SHROOM4: variants seen among roughly 807,000 people sequenced by gnomAD.
SHROOM4 encodes the protein shroom family member 4.
SHROOM4 carries 17 observed loss-of-function variants against 80.3 expected under a neutral mutation model. The ratio of observed to expected loss-of-function variants is 0.21; its 90% CI spans 0.14 to 0.32. SHROOM4 has a LOEUF of 0.32. Among genes scored for constraint, SHROOM4 ranks in the 10% least tolerant of loss-of-function variants. The pLI, the probability that SHROOM4 is intolerant of heterozygous loss-of-function variation, is 1.00. For missense variants in SHROOM4, 993 were observed against 1,140.3 expected (o/e 0.87, Z 1.86); for synonymous variants, 400 against 437.5 (o/e 0.91, Z 1.07).
chrX:50,745,419 C>G, intron 1 of SHROOM4, among the ~76,000 whole-genome samples: 1 of 109,906 alleles, frequency 9.1e-6, no homozygotes, highest in Middle Eastern at 4.7e-3. Flanking sequence ...TATGAGCCCC[C>G]TGAAGTCCTT....
At position 50,638,154 on chromosome X, in the gene SHROOM4, G is replaced by A; in HGVS notation, c.404+20C>T. 2.5e-6 allele frequency: 3 copies of A among 1,200,575 alleles called. No homozygotes were observed. The highest frequency in any genetic ancestry group is 1.7e-5 in the African/African-American group (1 of 57,602). ...GTGTCTACCCTCCAGCCTGTCTTGA[G>A]GGGAGGGCTCTAGACTCACCTTGTG... On this transcript the variant is annotated intron_variant, in intron 3 of 8. Coordinates refer to ENST00000376020, the MANE Select transcript of SHROOM4 (RefSeq NM_020717.5).
chrX:50,792,738 G>C (rs1266749377), intron 1 of SHROOM4, among the ~76,000 whole-genome samples: 1 of 108,021 alleles, frequency 9.3e-6, no homozygotes, highest in Non-Finnish European at 1.9e-5. Flanking sequence ...AATCATTAAG[G>C]AAATGCAAGT....
intron 1 of SHROOM4, among the ~76,000 whole-genome samples, chrX:50,724,682 C>T (rs985081825): frequency 1.7e-4 from 19 of 111,767 alleles, no homozygotes; most frequent in African/African-American, 4.9e-4. Context: ...GGTTTCTCCA[C>T]ATTGGTCAGG....
In SHROOM4 at chrX:50,633,600, G is replaced by C; in HGVS notation, c.2473C>G (p.Pro825Ala). ...GCGGAATGATATGATTGGTCCATGG[G>C]ATGGCGCCTCAATTCCCTACAGCTG... is the stretch of plus-strand genomic sequence containing the variant. ...SSSCRELRRH[P>A]MDQSYHSADQ... Residue 825 changes from proline (P) to alanine (A), a missense_variant, in exon 4 of 9, where the codon CCC becomes GCC. Physicochemically the swap from Pro to Ala is conservative, Grantham distance 27. Transcript: ENST00000376020. 4 of 1,210,275 alleles carry C rather than the reference G, an allele frequency of 3.3e-6. No homozygotes were observed. The highest frequency in any genetic ancestry group is 4.5e-6 in the Non-Finnish European group (4 of 895,349).
At chrX:50,721,229 G>A (rs1327766694) in intron 1 of SHROOM4, among the ~76,000 whole-genome samples, 5 of 112,099 alleles carry the variant, frequency 4.5e-5, no homozygotes, top group African/African-American at 1.6e-4. Context: ...CCCAAGAGAG[G>A]GTTCTTGGAT....
chrX:50,601,018 GGA>G (rs1929372287), intron 7 of SHROOM4, among the ~76,000 whole-genome samples: 1 of 112,053 alleles, frequency 8.9e-6, no homozygotes, highest in African/African-American at 3.2e-5. Flanking sequence ...GGATAAAAGT[GGA>G]GAGAGCCCTT....
chrX:50,785,980 GAACA>G (rs1557271029), intron 1 of SHROOM4, among the ~76,000 whole-genome samples: 1 of 111,399 alleles, frequency 9.0e-6, no homozygotes, highest in East Asian at 2.8e-4. Context: ...CTAACCACAT[GAACA>G]AACAAATTCA....
At chrX:50,801,268 G>GAGAGAGAGAGAA (rs1557272565) in intron 1 of SHROOM4, among the ~76,000 whole-genome samples, 1 of 103,626 alleles carries the variant, frequency 9.7e-6, no homozygotes, top group Admixed American at 1.0e-4. Flanking sequence ...AGAGGAGAGA[G>GAGAGAGAGAGAA]AGAGAGAGAG....
At chrX:50,763,969 GC>G (rs1557269107) in intron 1 of SHROOM4, among the ~76,000 whole-genome samples, 1 of 111,514 alleles carries the variant, frequency 9.0e-6, no homozygotes, top group African/African-American at 3.3e-5. Context: ...TTAATTCGTT[GC>G]TTCTAGTTAC....
chrX:50,756,832 G>A (rs782587239), intron 1 of SHROOM4, among the ~76,000 whole-genome samples: 1 of 111,593 alleles, frequency 9.0e-6, no homozygotes, highest in African/African-American at 3.2e-5. Context: ...GCTTTTTAAT[G>A]TATAATCTGT....
At chrX:50,716,660 C>T (rs989669795) in intron 1 of SHROOM4, among the ~76,000 whole-genome samples, 4 of 111,454 alleles carry the variant, frequency 3.6e-5, no homozygotes, top group Non-Finnish European at 5.6e-5. Context: ...ACTGAGTGTC[C>T]AAGGCCACAC....
intron 1 of SHROOM4, among the ~76,000 whole-genome samples, chrX:50,722,634 ATCCT>A (rs1163418673): frequency 5.5e-5 from 6 of 109,263 alleles, no homozygotes; most frequent in African/African-American, 2.0e-4. Context: ...CCTTCCGTCC[ATCCT>A]TCCTTTCATC....
intron 2 of SHROOM4, among the ~76,000 whole-genome samples, chrX:50,666,039 A>G (rs1385937945): frequency 8.9e-6 from 1 of 112,154 alleles, no homozygotes; most frequent in Non-Finnish European, 1.9e-5. Flanking sequence ...CTCCTAATGA[A>G]TGGAATTCTC....
chrX:50,657,080 A>G (rs1293710015), intron 2 of SHROOM4, among the ~76,000 whole-genome samples: 1 of 111,384 alleles, frequency 9.0e-6, no homozygotes, highest in African/African-American at 3.3e-5. Context: ...GTATAGAAAC[A>G]TTATTGATTT....
At chrX:50,795,638 C>T (rs782032003) in intron 1 of SHROOM4, among the ~76,000 whole-genome samples, 9 of 111,524 alleles carry the variant, frequency 8.1e-5, no homozygotes, top group African/African-American at 2.6e-4. Context: ...TTTTAAGAAA[C>T]CATGATAACA....
intron 4 of SHROOM4, among the ~76,000 whole-genome samples, chrX:50,630,228 TC>T (rs1347124356): frequency 1.8e-5 from 2 of 108,581 alleles, no homozygotes; most frequent in Admixed American, 2.0e-4. Context: ...TCTCCTCACT[TC>T]CCCCGCCCCA....
chrX:50,671,651 A>C (rs1386414253), intron 2 of SHROOM4, among the ~76,000 whole-genome samples: 1 of 112,629 alleles, frequency 8.9e-6, no homozygotes, highest in African/African-American at 3.2e-5. Context: ...AAGAAAGTTC[A>C]AGCCTTTTTC....
chrX:50,623,434 G>A (rs914726094), intron 5 of SHROOM4, among the ~76,000 whole-genome samples: 1 of 110,984 alleles, frequency 9.0e-6, no homozygotes, highest in Non-Finnish European at 1.9e-5. Flanking sequence ...GGGATCTGCC[G>A]GCTTCGGCCT....
chrX:50,680,583 T>C (rs1932921007), intron 2 of SHROOM4, among the ~76,000 whole-genome samples: 2 of 111,246 alleles, frequency 1.8e-5, no homozygotes, highest in Admixed American at 1.9e-4. Flanking sequence ...CCCCTTTACC[T>C]CTAAATACTT....
Sources: gnomAD v4.1 joint callset for allele counts (sites outside exome capture counted in the v4.1 genomes callset) on GRCh38, gnomAD v4.1.1 for gene constraint, MANE v1.5 for transcripts, NCBI Gene and HGNC (gene_info 2026-07-23, HGNC 2026-07-21) for gene names.